Variants in CIROZ observed in about 807,000 individuals in gnomAD.
The protein encoded by CIROZ is ciliated left-right organizer protein containing ZP-N domains.
the CIROZ span, among the ~76,000 whole-genome samples, chr1:10,955,759 G>A: frequency 2.1e-4 from 32 of 150,104 alleles, no homozygotes; most frequent in East Asian, 2.8e-3. Context: ...CAGGAGAATC[G>A]CTTGAACCCT....
chr1:10,978,353 A>G, the CIROZ span, among the ~76,000 whole-genome samples: 1 of 151,192 alleles, frequency 6.6e-6, no homozygotes, highest in Non-Finnish European at 1.5e-5. Flanking sequence ...CGAGCCCCCA[A>G]ATTTCTTTAT....
chr1:10,948,246 G>A, the CIROZ span: 3 of 1,613,972 alleles, frequency 1.9e-6, no homozygotes, highest in Non-Finnish European at 2.5e-6. Flanking sequence ...GGGGAGACCA[G>A]GCCCTGTCTG....
chr1:10,955,225 C>T, the CIROZ span: 1 of 1,549,274 alleles, frequency 6.5e-7, no homozygotes. Context: ...AAAAGGCACA[C>T]TTTGCAGGCT....
chr1:10,981,937 T>C, the CIROZ span: 88 of 1,504,622 alleles, frequency 5.8e-5, no homozygotes, highest in Non-Finnish European at 7.5e-5. Context: ...TGGAAGATAT[T>C]TGGCTTCTTC....
At chr1:10,970,822 G>C in the CIROZ span, among the ~76,000 whole-genome samples, 3 of 151,210 alleles carry the variant, frequency 2.0e-5, no homozygotes, top group Non-Finnish European at 4.4e-5. Context: ...TATAGGGGGA[G>C]ACAGGGAGCA....
the CIROZ span, among the ~76,000 whole-genome samples, chr1:10,959,591 C>T: frequency 6.6e-6 from 1 of 152,240 alleles, no homozygotes; most frequent in Non-Finnish European, 1.5e-5. The surrounding 1 kb of genome is among the most constrained non-coding windows in gnomAD (Gnocchi z 4.3). Context: ...CGGAGACCAT[C>T]AGACCCCCTC....
At chr1:10,971,015 C>T in the CIROZ span, among the ~76,000 whole-genome samples, 3 of 82,840 alleles carry the variant, frequency 3.6e-5, no homozygotes, top group South Asian at 4.5e-4. Context: ...AGCGGAGCAT[C>T]GTGGTGCATG....
the CIROZ span, among the ~76,000 whole-genome samples, chr1:10,950,547 C>T: frequency 6.6e-6 from 1 of 152,254 alleles, no homozygotes; most frequent in Admixed American, 6.5e-5. Context: ...GCCCAGGCAG[C>T]GTAGGCATTC....
the CIROZ span, among the ~76,000 whole-genome samples, chr1:10,946,965 C>T: frequency 6.6e-6 from 1 of 152,246 alleles, no homozygotes. Context: ...AGCATCCCCT[C>T]TGCCTGGGCC....
chr1:10,951,551 TAAA>T, the CIROZ span, among the ~76,000 whole-genome samples: 5 of 125,590 alleles, frequency 4.0e-5, no homozygotes, highest in Admixed American at 8.2e-5. Flanking sequence ...TGTCTCGGGG[TAAA>T]AAAAAAAAAA....
chr1:10,967,737 C>T, the CIROZ span, among the ~76,000 whole-genome samples: 1 of 152,072 alleles, frequency 6.6e-6, no homozygotes, highest in African/African-American at 2.4e-5. Context: ...TTTGGGAGGC[C>T]GAGGCGAGTG....
At chr1:10,955,844 C>CAAAA in the CIROZ span, among the ~76,000 whole-genome samples, 2 of 98,424 alleles carry the variant, frequency 2.0e-5, no homozygotes. Flanking sequence ...AACTCCATCT[C>CAAAA]AAAAAAAAAA....
At chr1:10,953,327 G>A in the CIROZ span, among the ~76,000 whole-genome samples, 3 of 152,176 alleles carry the variant, frequency 2.0e-5, no homozygotes, top group African/African-American at 4.8e-5. Flanking sequence ...TGTGAATTAC[G>A]TGCATTTCCT....
chr1:10,955,035 G>A, the CIROZ span: 1 of 1,613,256 alleles, frequency 6.2e-7, no homozygotes, highest in Non-Finnish European at 8.5e-7. Flanking sequence ...CCACCACAAA[G>A]TCCTTGTTCT....
chr1:10,965,688 C>T, the CIROZ span, among the ~76,000 whole-genome samples: 8 of 151,964 alleles, frequency 5.3e-5, no homozygotes, highest in Non-Finnish European at 1.0e-4. Flanking sequence ...GGTGAAACCC[C>T]GCCTTTACCA....
the CIROZ span, chr1:10,948,664 G>A: frequency 6.2e-7 from 1 of 1,612,684 alleles, no homozygotes; most frequent in East Asian, 2.2e-5. Context: ...GGACTAGCCT[G>A]GACACCCTCT....
the CIROZ span, chr1:10,948,569 G>T: frequency 6.2e-7 from 1 of 1,614,198 alleles, no homozygotes; most frequent in Non-Finnish European, 8.5e-7. Flanking sequence ...CAGGCCTCGG[G>T]GCTGGCGGTG....
the CIROZ span, among the ~76,000 whole-genome samples, chr1:10,978,343 C>T: frequency 6.6e-6 from 1 of 151,814 alleles, no homozygotes; most frequent in South Asian, 2.1e-4. Context: ...GCCACTGCAC[C>T]GAGCCCCCAA....
At chr1:10,950,030 C>CTTTTT in the CIROZ span, among the ~76,000 whole-genome samples, 80 of 101,688 alleles carry the variant, frequency 7.9e-4, 2 homozygotes, top group Non-Finnish European at 1.2e-3. Flanking sequence ...CATCAAGATT[C>CTTTTT]TTTTTTTTTT....
Sources: allele counts gnomAD v4.1 joint callset (sites outside exome capture counted in the v4.1 genomes callset), GRCh38; gene constraint gnomAD v4.1.1; non-coding constraint Gnocchi (gnomAD v3.1); transcripts MANE v1.5; gene names NCBI Gene and HGNC (gene_info 2026-07-23, HGNC 2026-07-21).